Variants in VPREB3 observed in about 807,000 individuals in gnomAD.
The protein encoded by VPREB3 is pre-B lymphocyte protein 3.
In VPREB3, 14 loss-of-function variants were observed where a neutral mutation model predicts 12.9. The observed-to-expected ratio is 1.09, with a 90% CI of 0.72 to 1.70. VPREB3 has a LOEUF of 1.70. Ranked by LOEUF, VPREB3 falls within the 40% of genes most tolerant of loss-of-function variation. VPREB3 has a pLI of 0.00. For missense variants in VPREB3, 165 were observed against 159.6 expected (o/e 1.03, Z -0.18); for synonymous variants, 78 against 70.1 (o/e 1.11, Z -0.56).
In VPREB3 at chr22:23,753,078, T is replaced by C. The variant is rs750572933; in HGVS notation, c.170A>G (p.Tyr57Cys). 1.2e-6 allele frequency: 2 copies of C among 1,614,142 alleles called. No individual in the cohort carries two copies. The highest frequency in any genetic ancestry group is 1.7e-6 in the Non-Finnish European group (2 of 1,180,000). ...VTIRDYGVSW[Y>C]QQRAGSAPRY... ...AGGGGCACTGCCTGCCCGCTGCTGG[T>C]ACCAGGACACACCGTAGTCCCTGAT... Residue 57 changes from tyrosine (Y) to cysteine (C), a missense_variant, in exon 2 of 2, where the codon TAC becomes TGC. Coordinates refer to ENST00000248948, the MANE Select transcript of VPREB3 (RefSeq NM_013378.3).
At chr22:23,753,479 C>T (rs1925424468) in intron 1 of VPREB3, among the ~76,000 whole-genome samples, 2 of 152,166 alleles carry the variant, frequency 1.3e-5, no homozygotes, top group Admixed American at 1.3e-4. Flanking sequence ...GCCCAGAGCT[C>T]AGAAGGTTGG....
chr22:23,754,357 A>G lies in VPREB3; in HGVS notation c.7T>C (p.Cys3Arg), dbSNP rs899434122. ...ATCAGAAGGAAGCTGAGGCACCGGC[A>G]GGCCATGGCCAGAGGCAGGGAGGCA... MACRCLSFLLMGT... is the reference protein window; with the variant it reads MARRCLSFLLMGT... Residue 3 changes from cysteine to arginine, a missense_variant, in exon 1 of 2, where the codon TGC becomes CGC. Physicochemically the swap from Cys to Arg is radical, Grantham distance 180 (BLOSUM62 -3). Coordinates refer to ENST00000248948, the MANE Select transcript of VPREB3 (RefSeq NM_013378.3). 1.4e-5 allele frequency: 23 copies of G among 1,609,860 alleles called. No homozygotes were observed. Among genetic ancestry groups the G allele is most frequent in the Non-Finnish European group, 1.9e-5 (22 of 1,178,318 alleles).
chr22:23,754,216 C>T lies in VPREB3; in HGVS notation c.49+99G>A, dbSNP rs1437592040. ...AAAAAATACCCCTCCCAGGACCTGCCCTACTGTCCCCATCGATTTGCCTCC... is the reference window on the plus strand; with the variant it reads ...AAAAAATACCCCTCCCAGGACCTGCTCTACTGTCCCCATCGATTTGCCTCC... On this transcript the variant is annotated intron_variant, in intron 1 of 1. Coordinates refer to ENST00000248948, the MANE Select transcript of VPREB3 (RefSeq NM_013378.3). 8 of 1,313,120 alleles carry T rather than the reference C, an allele frequency of 6.1e-6. No homozygotes were observed. The East Asian group carries it at 1.8e-4, about 29-fold the overall frequency. 81.3% of individuals were successfully genotyped at this position (1,313,120 alleles called of 1,614,324 possible).
chr22:23,754,314 C>T lies in VPREB3; in HGVS notation c.49+1G>A. On this transcript the variant is annotated splice_donor_variant, in intron 1 of 1. Transcript: ENST00000248948. LOFTEE classifies it high-confidence loss of function. The stretch of plus-strand genomic sequence containing the variant: ...GTGACTGAGGCCCAGGAAAGATTCA[C>T]CTGACAGGAAGGTCCCCATCAGAAG... The T allele has an allele frequency of 6.2e-7, 1 of 1,603,296 alleles. No homozygotes were observed. Among genetic ancestry groups the T allele is most frequent in the East Asian group, 2.2e-5 (1 of 44,542 alleles).
intron 1 of VPREB3, among the ~76,000 whole-genome samples, chr22:23,753,946 A>G (rs5751722): frequency 0.52 from 78,377 of 151,922 alleles, 22,763 homozygotes; most frequent in African/African-American, 0.79. Flanking sequence ...CACTTTGGGA[A>G]GCTGAGGTGG....
rs1925405239 is a variant in VPREB3, at chr22:23,752,954, A to G, written c.294T>C (p.Cys98=). 3.1e-6 allele frequency: 5 copies of G among 1,614,042 alleles called. No individual in the cohort carries two copies. In the African/African-American group the frequency reaches 5.3e-5, roughly 17 times the overall value. ...GCTGCACGGGACTAATGGTGAGGAC[A>G]CAGGCATTGTGGGCCTCATCCTTGG... The part of the protein sequence containing the change: ...SAAKDEAHNA[C]VLTISPVQPE... Residue 98 remains cysteine (C), a synonymous_variant, in exon 2 of 2, where the codon TGT becomes TGC. Transcript: ENST00000248948.
rs771170147 is a variant in VPREB3 at position 23,754,404 on chromosome 22, GC to G, written c.-42del. The G allele has an allele frequency of 1.1e-5, 17 of 1,587,896 alleles. No individual in the cohort carries two copies. Among genetic ancestry groups the G allele is most frequent in the African/African-American group, 2.7e-5 (2 of 74,482 alleles). ...GGCAGGCAAGTAGAAGTTCTGCAAG[GC>G]TATATGCTCCAGGTGCTTTGGGGCA... On this transcript the variant is annotated 5_prime_UTR_variant, in exon 1 of 2. Transcript: ENST00000248948.
At chr22:23,754,217 C>A in intron 1 of VPREB3, 98 bp downstream of exon 1, 1 of 1,330,322 alleles carries the variant, frequency 7.5e-7, no homozygotes, top group Non-Finnish European at 1.1e-6. Flanking sequence ...AGGACCTGCC[C>A]TACTGTCCCC....
At chr22:23,754,220 C>T (rs1214669438) in intron 1 of VPREB3, 95 bp downstream of exon 1, 19 of 1,329,348 alleles carry the variant, frequency 1.4e-5, no homozygotes, top group Non-Finnish European at 1.8e-5. Context: ...ACCTGCCCTA[C>T]TGTCCCCATC....
chr22:23,753,129 C>T lies in VPREB3; in HGVS notation c.119G>A (p.Cys40Tyr), dbSNP rs1449570113. Residue 40 changes from cysteine to tyrosine, a missense_variant, in exon 2 of 2, where the codon TGC (cysteine) becomes TAC (tyrosine). By Grantham distance (194) the Cys-to-Tyr change is radical (BLOSUM62 -2). Coordinates refer to ENST00000248948, the MANE Select transcript of VPREB3 (RefSeq NM_013378.3). The stretch of plus-strand genomic sequence containing the variant: ...GGTGACGTGCTGGGGGCTGAGCGTG[C>T]AGGAGAGTTGAGCCACTTGGCCTGG... ...VFPGQVAQLS[C>Y]TLSPQHVTIR... is the part of the protein sequence containing the mutation. 1.2e-6 allele frequency: 2 copies of T among 1,613,226 alleles called. No individual in the cohort carries two copies. Among genetic ancestry groups the T allele is most frequent in the Non-Finnish European group, 1.7e-6 (2 of 1,179,700 alleles).
intron 1 of VPREB3, 77 bp from the exon 2 acceptor site, chr22:23,753,275 G>A (rs1209008925): frequency 2.1e-6 from 3 of 1,417,050 alleles, no homozygotes; most frequent in African/African-American, 1.4e-5. Flanking sequence ...TGGACTCCAT[G>A]GAGACTCCCA....
intron 1 of VPREB3, 39 bp from the exon 2 acceptor site, chr22:23,753,237 T>G (rs1286107116): frequency 3.3e-6 from 5 of 1,501,968 alleles, no homozygotes; most frequent in Non-Finnish European, 4.5e-6. Flanking sequence ...GCCCCTTCCC[T>G]CCCACCCCTG....
chr22:23,753,651 C>A (rs953533062), intron 1 of VPREB3, among the ~76,000 whole-genome samples: 24 of 152,194 alleles, frequency 1.6e-4, no homozygotes, highest in Non-Finnish European at 5.9e-5. Flanking sequence ...ATCAACTCAG[C>A]CTCAGGCAAC....
At position 23,754,406 on chromosome 22, in the gene VPREB3, T is replaced by C; in HGVS notation, c.-43A>G. ...CAGGCAAGTAGAAGTTCTGCAAGGCTATATGCTCCAGGTGCTTTGGGGCAC... is the reference window on the plus strand; with the variant it reads ...CAGGCAAGTAGAAGTTCTGCAAGGCCATATGCTCCAGGTGCTTTGGGGCAC... On this transcript the variant is annotated 5_prime_UTR_variant, in exon 1 of 2. It adds an upstream start codon to the 5' untranslated region. Coordinates refer to ENST00000248948, the MANE Select transcript of VPREB3 (RefSeq NM_013378.3). 1 of 1,586,272 alleles carries C rather than the reference T, an allele frequency of 6.3e-7. No individual in the cohort carries two copies. Among genetic ancestry groups the C allele is most frequent in the Non-Finnish European group, 8.6e-7 (1 of 1,165,342 alleles).
rs1925448243 is a variant in VPREB3 at position 23,754,313 on chromosome 22, A to G, written c.49+2T>C. 1 of 1,602,364 alleles carries G rather than the reference A, an allele frequency of 6.2e-7. No individual in the cohort carries two copies. Among genetic ancestry groups the G allele is most frequent in the South Asian group, 1.1e-5 (1 of 88,600 alleles). On this transcript the variant is annotated splice_donor_variant, in intron 1 of 1. Transcript: ENST00000248948. LOFTEE classifies it high-confidence loss of function. ...GGTGACTGAGGCCCAGGAAAGATTC[A>G]CCTGACAGGAAGGTCCCCATCAGAA...
In VPREB3 at chr22:23,753,226, A is replaced by C. The variant is rs899499188; in HGVS notation, c.50-28T>G. 2.6e-6 allele frequency: 4 copies of C among 1,541,318 alleles called. No individual in the cohort carries two copies. The African/African-American group carries it at 5.5e-5, about 21-fold the overall frequency. On this transcript the variant is annotated intron_variant, in intron 1 of 1. Coordinates refer to ENST00000248948, the MANE Select transcript of VPREB3 (RefSeq NM_013378.3). ...GCGAGACACAAACCCACTCAGCCTG[A>C]GCCCCTTCCCTCCCACCCCTGCCCT...
rs146806634 is a variant in VPREB3 at position 23,752,940 on chromosome 22, C to G, written c.308G>C (p.Ser103Thr). 2.5e-4 allele frequency: 399 copies of G among 1,614,144 alleles called. 3 individuals carry two copies. The highest frequency in any genetic ancestry group is 2.0e-4 in the East Asian group (9 of 44,880). Reference sequence around the variant, plus strand: ...CGCGTCGTCTTCAGGCTGCACGGGACTAATGGTGAGGACACAGGCATTGTG... The same window carrying G: ...CGCGTCGTCTTCAGGCTGCACGGGAGTAATGGTGAGGACACAGGCATTGTG... The part of the protein sequence containing the change: ...EAHNACVLTI[S>T]PVQPEDDADY... Residue 103 changes from serine to threonine, a missense_variant, in exon 2 of 2, where the codon AGT becomes ACT. Transcript: ENST00000248948.
At position 23,752,845 on chromosome 22, in the gene VPREB3, A is replaced by G; in HGVS notation, c.*31T>C. On this transcript the variant is annotated 3_prime_UTR_variant, in exon 2 of 2. Transcript: ENST00000248948. ...AAGGTCAGGGGCAGAAATGGGAGGC[A>G]GAGGGGAGGCACCCATCTCACACCC... is the stretch of plus-strand genomic sequence containing the variant. 1 of 1,581,970 alleles carries G rather than the reference A, an allele frequency of 6.3e-7. No homozygotes were observed. The highest frequency in any genetic ancestry group is 8.6e-7 in the Non-Finnish European group (1 of 1,158,372).
At position 23,752,791 on chromosome 22, in the gene VPREB3, AAGGCTCAG is replaced by A; in HGVS notation, c.*77_*84del. 1 of 1,324,664 alleles carries A rather than the reference AAGGCTCAG, an allele frequency of 7.5e-7. No homozygotes were observed. 82.1% of individuals were successfully genotyped at this position (1,324,664 alleles called of 1,614,324 possible). ...TTAACCCATTTTACAGAGGGGAAGCAAGGCTCAGAGAAAGTTTAAAAGGGACCCAAGGT... is the reference window on the plus strand; with the variant it reads ...TTAACCCATTTTACAGAGGGGAAGCAAGAAAGTTTAAAAGGGACCCAAGGT... On this transcript the variant is annotated 3_prime_UTR_variant, in exon 2 of 2. Coordinates refer to ENST00000248948, the MANE Select transcript of VPREB3 (RefSeq NM_013378.3).
Sources: allele counts gnomAD v4.1 joint callset (sites outside exome capture counted in the v4.1 genomes callset), GRCh38; gene constraint gnomAD v4.1.1; transcripts MANE v1.5; gene names NCBI Gene and HGNC (gene_info 2026-07-23, HGNC 2026-07-21).